The following POU6F2 variants were observed in gnomAD, a reference collection of about 807,000 sequenced individuals.
The protein encoded by POU6F2 is POU class 6 homeobox 2.
A neutral mutation model predicts 71.3 loss-of-function variants in POU6F2; 31 were observed. That is an observed-to-expected ratio of 0.43 (90% CI 0.33 to 0.59). The LOEUF (loss-of-function observed/expected upper bound fraction) is 0.59, where lower values mean the gene tolerates loss of function less well. Ranked by LOEUF, POU6F2 falls within the 20% of genes least tolerant of loss-of-function variation. The probability of loss-of-function intolerance (pLI) is 0.04; values close to 1 mark genes in which losing one functional copy is unlikely to be tolerated. For missense variants in POU6F2, 783 were observed against 856.8 expected (o/e 0.91, Z 1.07); for synonymous variants, 347 against 355.7 (o/e 0.98, Z 0.27).
chr7:39,055,994 A>C lies in POU6F2; in HGVS notation c.106-29866A>C, dbSNP rs1171009028. Among the ~76,000 whole-genome samples the C allele has an allele frequency of 2.7e-5, 4 of 145,632 alleles. No homozygotes were observed. In the East Asian group the frequency reaches 5.9e-4, roughly 21 times the overall value. On this transcript the variant is annotated intron_variant, in intron 1 of 9. Transcript: ENST00000518318. ...TTTTGGTCTAGATGACTCATCTATCAATATCTCTTTAATCTTTAAAAAAAA... is the reference window on the plus strand; with the variant it reads ...TTTTGGTCTAGATGACTCATCTATCCATATCTCTTTAATCTTTAAAAAAAA...
chr7:38,990,591 A>C (rs1254390148), intron 1 of POU6F2, among the ~76,000 whole-genome samples: 1 of 152,180 alleles, frequency 6.6e-6, no homozygotes, highest in African/African-American at 2.4e-5. Context: ...CATGATCTTC[A>C]ACAAAGCACT....
At chr7:39,198,007 A>G (rs1206117822) in intron 2 of POU6F2, among the ~76,000 whole-genome samples, 3 of 152,242 alleles carry the variant, frequency 2.0e-5, no homozygotes, top group African/African-American at 4.8e-5. Flanking sequence ...AAAGTTCTCT[A>G]ACTGCCTAAA....
At chr7:39,368,680 C>T (rs1331631764) in intron 5 of POU6F2, among the ~76,000 whole-genome samples, 7 of 152,184 alleles carry the variant, frequency 4.6e-5, no homozygotes, top group Admixed American at 3.9e-4. Flanking sequence ...GGCTGACTCT[C>T]CTATTAGGGG....
At chr7:39,410,967 G>A (rs1013943604) in intron 6 of POU6F2, among the ~76,000 whole-genome samples, 6 of 152,090 alleles carry the variant, frequency 3.9e-5, no homozygotes, top group Non-Finnish European at 5.9e-5. Context: ...TAGTAACACC[G>A]GGTCCTAGGA....
chr7:39,155,454 G>A (rs1792850546), intron 2 of POU6F2, among the ~76,000 whole-genome samples: 2 of 152,128 alleles, frequency 1.3e-5, no homozygotes, highest in Admixed American at 1.3e-4. Context: ...GGGAAAAGAG[G>A]GAGGAGCATA....
intron 1 of POU6F2, among the ~76,000 whole-genome samples, chr7:39,012,112 A>C (rs1789310620): frequency 6.6e-6 from 1 of 151,128 alleles, no homozygotes; most frequent in South Asian, 2.1e-4. Context: ...AATATCCTGC[A>C]GAGTGTTTTC....
chr7:38,989,827 T>TGTGTTTG (rs1788559667), intron 1 of POU6F2, among the ~76,000 whole-genome samples: 1 of 130,242 alleles, frequency 7.7e-6, no homozygotes, highest in Non-Finnish European at 1.7e-5. Flanking sequence ...GTGTGTGTGT[T>TGTGTTTG]TGTGTGTGTG....
intron 4 of POU6F2, among the ~76,000 whole-genome samples, chr7:39,282,523 A>G (rs771621891): frequency 6.6e-6 from 1 of 152,154 alleles, no homozygotes; most frequent in African/African-American, 2.4e-5. Context: ...TTGCGAGACC[A>G]TTTATTGAAG....
intron 1 of POU6F2, among the ~76,000 whole-genome samples, chr7:39,083,267 G>C (rs1305964933): frequency 6.6e-6 from 1 of 152,106 alleles, no homozygotes. Flanking sequence ...CTCAACATAA[G>C]TTTATCATTA....
chr7:39,443,460 T>A lies in POU6F2; in HGVS notation c.1321-8073T>A, dbSNP rs914925490. ...GGGCCTGTCCCTCTTGCTCAAGGCA[T>A]GTGCCAGTGGTCTGTCCTAGTCCCA... On this transcript the variant is annotated intron_variant, in intron 7 of 9. Coordinates refer to ENST00000518318, the MANE Select transcript of POU6F2 (RefSeq NM_001370959.1). 2.0e-4 allele frequency among the ~76,000 whole-genome samples: 30 copies of A among 152,342 alleles called. No individual in the cohort carries two copies. The East Asian group carries it at 3.9e-3, about 20-fold the overall frequency.
chr7:39,443,379 C>T (rs1788454001), intron 7 of POU6F2, among the ~76,000 whole-genome samples: 1 of 152,140 alleles, frequency 6.6e-6, no homozygotes, highest in Admixed American at 6.5e-5. Context: ...GTGAGCGCAG[C>T]GGAAAAGAGC....
At chr7:39,241,028 G>T (rs1027365320) in intron 4 of POU6F2, among the ~76,000 whole-genome samples, 1 of 151,994 alleles carries the variant, frequency 6.6e-6, no homozygotes. Flanking sequence ...GACTCACCTT[G>T]TGGTTGCCAA....
At chr7:39,322,885 C>T (rs1289709500) in intron 4 of POU6F2, among the ~76,000 whole-genome samples, 1 of 152,164 alleles carries the variant, frequency 6.6e-6, no homozygotes, top group Non-Finnish European at 1.5e-5. Context: ...TATAGGTAGT[C>T]TCCTAGAACC....
chr7:39,057,512 G>A (rs941235870), intron 1 of POU6F2, among the ~76,000 whole-genome samples: 7 of 151,830 alleles, frequency 4.6e-5, no homozygotes, highest in Admixed American at 4.6e-4. Flanking sequence ...CTAGTTTGTT[G>A]CAGTTATTAG....
intron 4 of POU6F2, among the ~76,000 whole-genome samples, chr7:39,309,155 G>A (rs1341094844): frequency 6.6e-6 from 1 of 152,200 alleles, no homozygotes; most frequent in Non-Finnish European, 1.5e-5. Flanking sequence ...GTCGGGCACA[G>A]AATATAGCGA....
intron 4 of POU6F2, among the ~76,000 whole-genome samples, chr7:39,274,306 T>C (rs1233432359): frequency 6.6e-6 from 1 of 152,052 alleles, no homozygotes; most frequent in African/African-American, 2.4e-5. Context: ...CTAGAAGAAA[T>C]GGATAAATTC....
At chr7:39,371,182 G>GTT (rs1203889084) in intron 5 of POU6F2, among the ~76,000 whole-genome samples, 8 of 143,356 alleles carry the variant, frequency 5.6e-5, no homozygotes, top group Non-Finnish European at 9.2e-5. Flanking sequence ...TCGGAGAATG[G>GTT]TTTTTTTTTT....
At chr7:39,236,715 A>G (rs568763312) in intron 4 of POU6F2, among the ~76,000 whole-genome samples, 3 of 152,258 alleles carry the variant, frequency 2.0e-5, no homozygotes, top group East Asian at 3.9e-4. Flanking sequence ...CGTTTTAGAC[A>G]CTCAAATATC....
chr7:39,322,250 A>T (rs1203303169), intron 4 of POU6F2, among the ~76,000 whole-genome samples: 1 of 152,152 alleles, frequency 6.6e-6, no homozygotes, highest in Non-Finnish European at 1.5e-5. Context: ...GAAGTGAGTA[A>T]CTGACCCATG....
Sources: allele counts gnomAD v4.1 joint callset (sites outside exome capture counted in the v4.1 genomes callset), GRCh38; gene constraint gnomAD v4.1.1; transcripts MANE v1.5; gene names NCBI Gene and HGNC (gene_info 2026-07-23, HGNC 2026-07-21).